Variants in HIVEP1 observed in about 807,000 individuals in gnomAD.
The protein encoded by HIVEP1 is HIVEP zinc finger 1.
A neutral mutation model predicts 180.0 loss-of-function variants in HIVEP1; 36 were observed. That is an observed-to-expected ratio of 0.20 (90% CI 0.15 to 0.26). The LOEUF is 0.26. HIVEP1 is among the 10% of genes least tolerant of loss of function. The pLI, the probability that HIVEP1 is intolerant of heterozygous loss-of-function variation, is 1.00. For synonymous variants in HIVEP1, 1,239 were observed against 1,239.0 expected (o/e 1.00, Z 0.00); for missense variants, 3,143 against 3,268.7 (o/e 0.96, Z 0.94).
intron 2 of HIVEP1, among the ~76,000 whole-genome samples, chr6:12,025,052 A>G (rs1385956552): frequency 6.6e-6 from 1 of 152,206 alleles, no homozygotes; most frequent in Non-Finnish European, 1.5e-5. Flanking sequence ...TCCTACAGCT[A>G]CCTGAGACAG....
intron 1 of HIVEP1, 148 bp downstream of exon 1, chr6:12,012,714 A>C (rs1205707004): frequency 6.7e-6 from 1 of 150,270 alleles, no homozygotes; most frequent in Non-Finnish European, 1.5e-5. Flanking sequence ...GCAACCGCCG[A>C]CCTTGCAGAG....
At chr6:12,157,590 A>G (rs1458460275) in intron 7 of HIVEP1, among the ~76,000 whole-genome samples, 1 of 152,154 alleles carries the variant, frequency 6.6e-6, no homozygotes, top group South Asian at 2.1e-4. Context: ...TATTGTGGCC[A>G]TACCTTTTTA....
At chr6:12,041,928 G>A (rs1485785507) in intron 2 of HIVEP1, among the ~76,000 whole-genome samples, 4 of 151,784 alleles carry the variant, frequency 2.6e-5, no homozygotes, top group African/African-American at 9.7e-5. Flanking sequence ...CAAAGTGCTG[G>A]GGTTATAGGT....
At chr6:12,180,111 C>T in the HIVEP1 span, among the ~76,000 whole-genome samples, 2 of 142,240 alleles carry the variant, frequency 1.4e-5, no homozygotes, top group South Asian at 4.5e-4. Context: ...AAACACTTCA[C>T]ATTTTTTTTC....
chr6:12,153,644 C>T (rs548526249), intron 7 of HIVEP1, among the ~76,000 whole-genome samples: 1 of 149,568 alleles, frequency 6.7e-6, no homozygotes, highest in South Asian at 2.1e-4. Flanking sequence ...AAATGTGTAT[C>T]TAGGTTAGAG....
chr6:12,201,516 T>A, the HIVEP1 span, among the ~76,000 whole-genome samples: 1 of 128,436 alleles, frequency 7.8e-6, no homozygotes, highest in Non-Finnish European at 1.8e-5. Flanking sequence ...AAACAAAACA[T>A]TTTTTTGAAC....
chr6:12,023,376 T>G (rs537941197), intron 2 of HIVEP1, among the ~76,000 whole-genome samples: 21 of 152,296 alleles, frequency 1.4e-4, no homozygotes, highest in African/African-American at 5.1e-4. Flanking sequence ...TTAAGCATCG[T>G]TTTTCACATT....
upstream of HIVEP1, among the ~76,000 whole-genome samples, chr6:12,009,120 TGGCGGCGGCGGCGGCGGC>T (rs950139776): frequency 2.1e-5 from 3 of 146,058 alleles, no homozygotes; most frequent in East Asian, 4.1e-4. Flanking sequence ...CGCGTGGCGG[TGGCGGCGGCGGCGGCGGC>T]GGCGGCGCTG....
chr6:12,096,450 C>G (rs997096072), intron 3 of HIVEP1, among the ~76,000 whole-genome samples: 1 of 151,600 alleles, frequency 6.6e-6, no homozygotes, highest in South Asian at 2.1e-4. Flanking sequence ...GAGAGTGGCT[C>G]CATTGGATCA....
chr6:12,143,824 T>TA (rs1467467344), intron 7 of HIVEP1, among the ~76,000 whole-genome samples: 1 of 152,130 alleles, frequency 6.6e-6, no homozygotes, highest in African/African-American at 2.4e-5. Context: ...GAATCCAACT[T>TA]ACAAGGGATG....
intron 4 of HIVEP1, among the ~76,000 whole-genome samples, chr6:12,126,343 G>A (rs1196990801): frequency 1.3e-5 from 2 of 152,208 alleles, no homozygotes; most frequent in Admixed American, 1.3e-4. Flanking sequence ...GAGCTTACTA[G>A]CTACACGCCC....
chr6:12,183,994 TA>T, the HIVEP1 span, among the ~76,000 whole-genome samples: 5,898 of 138,716 alleles, frequency 0.043, 391 homozygotes, highest in African/African-American at 0.17. Context: ...GATAGATAGA[TA>T]GATAGATAGA....
At chr6:12,176,453 A>G in the HIVEP1 span, among the ~76,000 whole-genome samples, 1 of 151,866 alleles carries the variant, frequency 6.6e-6, no homozygotes, top group Non-Finnish European at 1.5e-5. Flanking sequence ...GCTGATCTCT[A>G]ACTCCTGACC....
chr6:12,208,972 T>G, the HIVEP1 span, among the ~76,000 whole-genome samples: 11 of 152,230 alleles, frequency 7.2e-5, no homozygotes, highest in African/African-American at 2.7e-4. Flanking sequence ...TCTTGCCTGT[T>G]TTCCCTCAGC....
intron 2 of HIVEP1, among the ~76,000 whole-genome samples, chr6:12,026,036 A>G (rs1453589246): frequency 6.9e-6 from 1 of 144,756 alleles, no homozygotes; most frequent in Non-Finnish European, 1.5e-5. Flanking sequence ...GTGAAACCCC[A>G]TATCAAAAAA....
chr6:12,051,912 A>G (rs886789582), intron 2 of HIVEP1, among the ~76,000 whole-genome samples: 1 of 152,220 alleles, frequency 6.6e-6, no homozygotes, highest in African/African-American at 2.4e-5. Flanking sequence ...TTATTCTTTT[A>G]TATAAACTTG....
the HIVEP1 span, among the ~76,000 whole-genome samples, chr6:12,176,629 G>A: frequency 6.6e-6 from 1 of 152,134 alleles, no homozygotes; most frequent in Non-Finnish European, 1.5e-5. Flanking sequence ...TGAAGAAAGC[G>A]ATGTCCAAAG....
intron 6 of HIVEP1, among the ~76,000 whole-genome samples, chr6:12,133,590 C>G (rs753140481): frequency 2.6e-5 from 4 of 152,134 alleles, no homozygotes; most frequent in Non-Finnish European, 5.9e-5. Context: ...AATATGCTTA[C>G]TAAAAACTTA....
At chr6:12,026,055 GAAC>G (rs1464401102) in intron 2 of HIVEP1, among the ~76,000 whole-genome samples, 1 of 146,404 alleles carries the variant, frequency 6.8e-6, no homozygotes, top group Non-Finnish European at 1.5e-5. Context: ...AAAAAAAAAA[GAAC>G]AATTTTTAAG....
Sources: gnomAD v4.1 joint callset for allele counts (sites outside exome capture counted in the v4.1 genomes callset) on GRCh38, gnomAD v4.1.1 for gene constraint, MANE v1.5 for transcripts, NCBI Gene and HGNC (gene_info 2026-07-23, HGNC 2026-07-21) for gene names.